NELL1: variants seen among roughly 807,000 people sequenced by gnomAD.
NELL1 encodes the protein neural EGFL like 1.
NELL1 carries 76 observed loss-of-function variants against 107.4 expected under a neutral mutation model. The observed-to-expected ratio is 0.71, with a 90% CI of 0.59 to 0.86. NELL1 has a LOEUF of 0.86. NELL1 is among the 40% of genes least tolerant of loss of function. NELL1 has a pLI of 0.00. For synonymous variants in NELL1, 353 were observed against 341.2 expected, an observed-to-expected ratio of 1.03 and a Z score of -0.38; for missense variants, 1,024 against 1,005.5, an observed-to-expected ratio of 1.02 and a Z score of -0.25.
At chr11:20,916,751 A>G (rs1427318725) in intron 5 of NELL1, among the ~76,000 whole-genome samples, 3 of 151,856 alleles carry the variant, frequency 2.0e-5, no homozygotes, top group African/African-American at 7.2e-5. Flanking sequence ...TATTATTATT[A>G]TTATTATTTG....
intron 15 of NELL1, among the ~76,000 whole-genome samples, chr11:21,507,963 T>G (rs1281977790): frequency 1.3e-5 from 2 of 151,928 alleles, no homozygotes; most frequent in Non-Finnish European, 1.5e-5. Flanking sequence ...GTATCTTTAG[T>G]AGAGATGAGG....
At chr11:20,812,935 G>C (rs1053211871) in intron 3 of NELL1, among the ~76,000 whole-genome samples, 1 of 148,428 alleles carries the variant, frequency 6.7e-6, no homozygotes, top group Admixed American at 6.8e-5. Flanking sequence ...GTGAACCCCA[G>C]GGGGCGGAGC....
chr11:21,336,441 C>A (rs1489452057), intron 14 of NELL1, among the ~76,000 whole-genome samples: 1 of 151,866 alleles, frequency 6.6e-6, no homozygotes, highest in African/African-American at 2.4e-5. Context: ...CAGTACTGTT[C>A]TATTCAGAAT....
chr11:21,417,955 C>G (rs1300952287), intron 15 of NELL1, among the ~76,000 whole-genome samples: 1 of 152,080 alleles, frequency 6.6e-6, no homozygotes, highest in Non-Finnish European at 1.5e-5. Flanking sequence ...TTTTAATCAC[C>G]ATTAATTTAG....
chr11:21,051,194 T>G (rs928276840), intron 12 of NELL1, among the ~76,000 whole-genome samples: 1 of 152,188 alleles, frequency 6.6e-6, no homozygotes, highest in Non-Finnish European at 1.5e-5. Context: ...CATGGAATAC[T>G]ACTCAGCCAT....
intron 12 of NELL1, among the ~76,000 whole-genome samples, chr11:20,968,855 T>C (rs1590475712): frequency 6.6e-6 from 1 of 151,424 alleles, no homozygotes; most frequent in Non-Finnish European, 1.5e-5. Flanking sequence ...CAGTGGGAGG[T>C]TTTTATGGGC....
intron 2 of NELL1, among the ~76,000 whole-genome samples, chr11:20,754,490 A>G (rs1028215233): frequency 2.6e-5 from 4 of 152,202 alleles, no homozygotes; most frequent in African/African-American, 7.2e-5. Context: ...GTATTTGTCA[A>G]ATGTTTAGGT....
intron 15 of NELL1, among the ~76,000 whole-genome samples, chr11:21,464,587 C>G (rs1853980341): frequency 6.6e-6 from 1 of 151,954 alleles, no homozygotes; most frequent in African/African-American, 2.4e-5. Context: ...TTTTTTGTAT[C>G]TAAAAATGTT....
At chr11:20,722,019 C>CT (rs34558225) in intron 2 of NELL1, among the ~76,000 whole-genome samples, 3,235 of 25,946 alleles carry the variant, frequency 0.12, 53 homozygotes, top group South Asian at 0.24. Flanking sequence ...CTGAGTCTCT[C>CT]TTTTTTTTTT....
chr11:20,898,222 G>A (rs543855267), intron 5 of NELL1, among the ~76,000 whole-genome samples: 34 of 152,120 alleles, frequency 2.2e-4, no homozygotes, highest in East Asian at 3.9e-4. Flanking sequence ...CATATACACC[G>A]TGGAATACCA....
At chr11:20,821,810 C>T (rs1235182411) in intron 3 of NELL1, among the ~76,000 whole-genome samples, 1 of 152,214 alleles carries the variant, frequency 6.6e-6, no homozygotes, top group African/African-American at 2.4e-5. Flanking sequence ...ATTGCTTAAT[C>T]TGAGTACCAG....
chr11:21,360,746 T>C (rs149559237), intron 14 of NELL1, among the ~76,000 whole-genome samples: 17 of 152,298 alleles, frequency 1.1e-4, no homozygotes, highest in African/African-American at 2.6e-4. Flanking sequence ...TTAATTGTTA[T>C]TGCTTTAAAG....
intron 12 of NELL1, among the ~76,000 whole-genome samples, chr11:21,000,162 G>A (rs940850749): frequency 1.3e-5 from 2 of 151,998 alleles, no homozygotes; most frequent in African/African-American, 4.8e-5. Flanking sequence ...CTTAGCTATT[G>A]TTTGACCTTG....
chr11:20,857,306 A>G (rs1411418690), intron 4 of NELL1, among the ~76,000 whole-genome samples: 1 of 152,082 alleles, frequency 6.6e-6, no homozygotes, highest in Non-Finnish European at 1.5e-5. Flanking sequence ...ACCTGCCTAT[A>G]GCCCCCCGAG....
At chr11:21,179,550 G>A (rs937463613) in intron 13 of NELL1, among the ~76,000 whole-genome samples, 4 of 151,794 alleles carry the variant, frequency 2.6e-5, no homozygotes, top group African/African-American at 9.7e-5. Flanking sequence ...CAAGACAAGC[G>A]CCAAAATATA....
intron 14 of NELL1, among the ~76,000 whole-genome samples, chr11:21,286,913 C>T (rs7934072): frequency 0.021 from 3,245 of 152,092 alleles, 122 homozygotes; most frequent in African/African-American, 0.074. Flanking sequence ...TGGTTGATAC[C>T]GCTACACTTT....
At chr11:21,160,606 T>A (rs1016231485) in intron 13 of NELL1, among the ~76,000 whole-genome samples, 16 of 152,304 alleles carry the variant, frequency 1.1e-4, no homozygotes, top group Admixed American at 8.5e-4. Flanking sequence ...ATGTGTGTAA[T>A]CATAACATTT....
intron 12 of NELL1, among the ~76,000 whole-genome samples, chr11:21,008,647 T>C (rs913363793): frequency 2.0e-5 from 3 of 152,038 alleles, no homozygotes; most frequent in African/African-American, 7.2e-5. Flanking sequence ...GAGATAATTA[T>C]AGGGAAAGGT....
chr11:21,130,732 A>G (rs1038699527), intron 13 of NELL1, among the ~76,000 whole-genome samples: 2 of 152,228 alleles, frequency 1.3e-5, no homozygotes, highest in East Asian at 1.9e-4. Flanking sequence ...TTGGTCCCCA[A>G]ACACCCACAG....
Sources: allele counts gnomAD v4.1 joint callset (sites outside exome capture counted in the v4.1 genomes callset), GRCh38; gene constraint gnomAD v4.1.1; transcripts MANE v1.5; gene names NCBI Gene and HGNC (gene_info 2026-07-23, HGNC 2026-07-21).